The following RYR3 variants were observed in gnomAD, a reference collection of about 807,000 sequenced individuals.
RYR3 encodes the protein ryanodine receptor 3.
In RYR3, 207 loss-of-function variants were observed where a neutral mutation model predicts 584.3. The observed-to-expected ratio is 0.35, with a 90% CI of 0.32 to 0.40. The LOEUF is 0.40. Among genes scored for constraint, RYR3 ranks in the 10% least tolerant of loss-of-function variants. The pLI, the probability that RYR3 is intolerant of heterozygous loss-of-function variation, is 1.00. For synonymous variants in RYR3, 2,416 were observed against 2,248.5 expected (o/e 1.07, Z -2.11); for missense variants, 5,616 against 6,089.2 (o/e 0.92, Z 2.59).
At chr15:33,608,413 C>T (rs936882928) in intron 18 of RYR3, among the ~76,000 whole-genome samples, 2 of 152,228 alleles carry the variant, frequency 1.3e-5, no homozygotes, top group African/African-American at 4.8e-5. Context: ...AGATTACTTT[C>T]TCTGCATGTG....
At chr15:33,617,476 C>A (rs1169395615) in intron 19 of RYR3, among the ~76,000 whole-genome samples, 1 of 152,080 alleles carries the variant, frequency 6.6e-6, no homozygotes, top group Non-Finnish European at 1.5e-5. Flanking sequence ...TACTGTAGAT[C>A]ACTTGCCTGG....
chr15:33,580,002 T>G lies in RYR3; in HGVS notation c.1295T>G (p.Ile432Ser), dbSNP rs202244063. 988 of 1,612,494 alleles carry G rather than the reference T, an allele frequency of 6.1e-4. 8 individuals are homozygous for G. The African/African-American group carries it at 0.012, about 19-fold the overall frequency. The change falls in exon 13 of 104, where the codon ATC becomes AGC. Residue 432 changes from isoleucine to serine, a missense_variant. Transcript: ENST00000634891. Reference sequence around the variant, plus strand: ...GGAAACAATCGCACAGCTGCCCCCATCACCCTGCCTATAGAAGAAGTCCTG... The same window carrying G: ...GGAAACAATCGCACAGCTGCCCCCAGCACCCTGCCTATAGAAGAAGTCCTG... ...VSGNNRTAAP[I>S]TLPIEEVLQT...
intron 3 of RYR3, among the ~76,000 whole-genome samples, chr15:33,523,063 G>A (rs1281128521): frequency 6.6e-6 from 1 of 152,124 alleles, no homozygotes; most frequent in Non-Finnish European, 1.5e-5. Context: ...GTGGGATGGG[G>A]ACTTGGAGAA....
intron 99 of RYR3, 35 bp from the exon 100 acceptor site, chr15:33,859,539 AC>A (rs1465346928): frequency 2.1e-5 from 34 of 1,611,782 alleles, no homozygotes; most frequent in Non-Finnish European, 2.9e-5. Flanking sequence ...CAGAACTGTG[AC>A]TTTTGCCTAA....
intron 67 of RYR3, among the ~76,000 whole-genome samples, chr15:33,792,632 C>T (rs757499034): frequency 1.3e-5 from 2 of 152,130 alleles, no homozygotes; most frequent in Non-Finnish European, 2.9e-5. Context: ...CACTCTTTCC[C>T]CAATGTTCGT....
rs536504096 is a variant in RYR3 at position 33,788,253 on chromosome 15, G to A, written c.9625G>A (p.Asp3209Asn). 1.1e-5 allele frequency: 18 copies of A among 1,613,944 alleles called. No individual in the cohort carries two copies. The highest frequency in any genetic ancestry group is 1.1e-4 in the East Asian group (5 of 44,888). Residue 3209 changes from aspartate (D) to asparagine (N), a missense_variant, in exon 67 of 104, where the codon GAC (aspartate) becomes AAC (asparagine). Asp to Asn is a conservative substitution (Grantham distance 23). Around this residue, in one of 9 missense-constraint regions of RYR3, gnomAD observed 954 missense variants for 1,132.2 expected, o/e 0.84. Coordinates refer to ENST00000634891, the MANE Select transcript of RYR3 (RefSeq NM_001036.6). The part of the protein sequence containing the change: ...AQPIISKARP[D>N]LLRSHFIPTL... ...GCCCATCATCAGCAAAGCCAGGCCC[G>A]ACCTGCTGAGAAGCCACTTCATCCC...
At chr15:33,451,780 G>A (rs2047153108) in intron 1 of RYR3, among the ~76,000 whole-genome samples, 1 of 152,184 alleles carries the variant, frequency 6.6e-6, no homozygotes, top group Non-Finnish European at 1.5e-5. Context: ...TAGTTTATAG[G>A]ATGCATCTTC....
rs541045986 is a variant in RYR3 at position 33,779,530 on chromosome 15, G to T, written c.9138-681G>T. On this transcript the variant is annotated intron_variant, in intron 64 of 103. Coordinates refer to ENST00000634891, the MANE Select transcript of RYR3 (RefSeq NM_001036.6). ...GGTGTGCTACCTACTGTTCCCACTA[G>T]TGGACACAGGCTCCATCCATAGCAG... is the stretch of plus-strand genomic sequence containing the variant. Among the ~76,000 whole-genome samples, 21 of 152,250 alleles carry T rather than the reference G, an allele frequency of 1.4e-4. No homozygotes were observed. In the East Asian group the frequency reaches 4.1e-3, roughly 29 times the overall value.
intron 74 of RYR3, chr15:33,813,839 T>C (rs1035135611): frequency 1.5e-5 from 5 of 330,570 alleles, no homozygotes; most frequent in Non-Finnish European, 5.5e-6. Flanking sequence ...AGTAAGCATA[T>C]GGAAGTACAC....
intron 1 of RYR3, among the ~76,000 whole-genome samples, chr15:33,455,099 A>G (rs1430482341): frequency 6.6e-6 from 1 of 152,170 alleles, no homozygotes; most frequent in Non-Finnish European, 1.5e-5. Context: ...GAGAGAAGCA[A>G]AGGAAATTCT....
chr15:33,401,296 C>T (rs1347934423), intron 1 of RYR3, among the ~76,000 whole-genome samples: 5 of 152,188 alleles, frequency 3.3e-5, no homozygotes, highest in Non-Finnish European at 7.3e-5. Flanking sequence ...CTTCTCACAG[C>T]TCATTTAAAA....
At chr15:33,360,365 A>C (rs1478909241) in intron 1 of RYR3, among the ~76,000 whole-genome samples, 1 of 152,290 alleles carries the variant, frequency 6.6e-6, no homozygotes, top group East Asian at 1.9e-4. Context: ...TGTACATGGA[A>C]TCCTACAGTA....
At chr15:33,359,915 C>T (rs1974528585) in intron 1 of RYR3, among the ~76,000 whole-genome samples, 1 of 151,796 alleles carries the variant, frequency 6.6e-6, no homozygotes, top group African/African-American at 2.4e-5. Flanking sequence ...GCCACCGGGC[C>T]CGGCCTCCTG....
chr15:33,454,581 C>T (rs567589027), intron 1 of RYR3, among the ~76,000 whole-genome samples: 2 of 152,166 alleles, frequency 1.3e-5, no homozygotes, highest in South Asian at 2.1e-4. Context: ...GGCAGACAAG[C>T]GAAACAGCGG....
At chr15:33,352,427 T>C (rs1347201368) in intron 1 of RYR3, among the ~76,000 whole-genome samples, 2 of 152,142 alleles carry the variant, frequency 1.3e-5, no homozygotes, top group African/African-American at 4.8e-5. Context: ...CAGTCAGTGC[T>C]TTCTTCTTCC....
intron 2 of RYR3, among the ~76,000 whole-genome samples, chr15:33,477,878 A>AC (rs1491183543): frequency 4.7e-5 from 1 of 21,060 alleles, no homozygotes; most frequent in African/African-American, 5.8e-4. Flanking sequence ...CTGTCTCAAG[A>AC]AAAAAAAAAA....
At chr15:33,862,083 A>T (rs1243682899) in intron 102 of RYR3, among the ~76,000 whole-genome samples, 1 of 152,040 alleles carries the variant, frequency 6.6e-6, no homozygotes, top group East Asian at 1.9e-4. Flanking sequence ...GAATGTATAG[A>T]GTGTATAGAT....
chr15:33,608,880 T>C (rs376869818), intron 18 of RYR3, among the ~76,000 whole-genome samples: 17 of 152,330 alleles, frequency 1.1e-4, no homozygotes, highest in Middle Eastern at 3.4e-3. Flanking sequence ...ATGGAAAGAA[T>C]AAGCCAGACG....
At chr15:33,414,660 A>C (rs1237457708) in intron 1 of RYR3, among the ~76,000 whole-genome samples, 1 of 152,164 alleles carries the variant, frequency 6.6e-6, no homozygotes, top group Admixed American at 6.5e-5. Flanking sequence ...GCTGGAGTGC[A>C]GTGGCGTGAT....
Sources: allele counts gnomAD v4.1 joint callset (sites outside exome capture counted in the v4.1 genomes callset), GRCh38; gene constraint gnomAD v4.1.1; regional missense constraint gnomAD v4.1.1; transcripts MANE v1.5; gene names NCBI Gene and HGNC (gene_info 2026-07-23, HGNC 2026-07-21).